Variants in GALNT10 observed in about 807,000 individuals in gnomAD.
GALNT10 encodes the protein GalNAc transferase 10.
Under a neutral mutation model 75.0 loss-of-function variants are expected in GALNT10, and 41 were observed. The observed-to-expected ratio is 0.55, with a 90% CI of 0.43 to 0.71. The LOEUF is 0.71. Ranked by LOEUF, GALNT10 falls within the 30% of genes least tolerant of loss-of-function variation. GALNT10 has a pLI of 0.00. For missense variants in GALNT10, 727 were observed against 818.5 expected (o/e 0.89, Z 1.36); for synonymous variants, 302 against 313.0 (o/e 0.96, Z 0.37).
At chr5:154,206,346 A>G (rs1775109255) in intron 1 of GALNT10, among the ~76,000 whole-genome samples, 1 of 152,252 alleles carries the variant, frequency 6.6e-6, no homozygotes, top group Non-Finnish European at 1.5e-5. Flanking sequence ...TCTGAGCTCA[A>G]CAATTTATTT....
intron 1 of GALNT10, among the ~76,000 whole-genome samples, chr5:154,268,774 C>T (rs57192789): frequency 0.18 from 27,381 of 152,062 alleles, 2,646 homozygotes; most frequent in African/African-American, 0.22. Context: ...GTCTTAAGAG[C>T]ACCTCATAAG....
At chr5:154,281,220 G>C (rs1754034570) in intron 1 of GALNT10, among the ~76,000 whole-genome samples, 1 of 152,112 alleles carries the variant, frequency 6.6e-6, no homozygotes, top group African/African-American at 2.4e-5. Context: ...CATTTATTTA[G>C]ATCTTTGATT....
At chr5:154,228,798 C>T (rs945433274) in intron 1 of GALNT10, among the ~76,000 whole-genome samples, 1 of 152,236 alleles carries the variant, frequency 6.6e-6, no homozygotes, top group African/African-American at 2.4e-5. Flanking sequence ...TGCAAATCCA[C>T]ATTCAAGTTA....
chr5:154,415,488 G>A (rs899367494), intron 10 of GALNT10, among the ~76,000 whole-genome samples: 9 of 151,950 alleles, frequency 5.9e-5, no homozygotes, highest in African/African-American at 1.7e-4. Context: ...ACAGGCATAC[G>A]CCACCACACC....
intron 4 of GALNT10, among the ~76,000 whole-genome samples, chr5:154,357,121 C>T (rs1755307970): frequency 1.3e-5 from 2 of 152,112 alleles, no homozygotes; most frequent in South Asian, 4.1e-4. Flanking sequence ...ATTTGGGAAA[C>T]ATTGGCTCAG....
At position 154,278,567 on chromosome 5, in the gene GALNT10, A is replaced by G. The variant is rs149162382; in HGVS notation, c.160-16249A>G. Reference sequence around the variant, plus strand: ...TATTTTTTTATTGTGCTAAATGAATATAATAGTTGTCATTTTAACCATTCA... The same window carrying G: ...TATTTTTTTATTGTGCTAAATGAATGTAATAGTTGTCATTTTAACCATTCA... On this transcript the variant is annotated intron_variant, in intron 1 of 11. Coordinates refer to ENST00000297107, the MANE Select transcript of GALNT10 (RefSeq NM_198321.4). Among the ~76,000 whole-genome samples, 80 of 152,348 alleles carry G rather than the reference A, an allele frequency of 5.3e-4. No individual in the cohort carries two copies. The East Asian group carries it at 0.014, about 26-fold the overall frequency.
chr5:154,288,968 TC>T (rs1303060262), intron 1 of GALNT10, among the ~76,000 whole-genome samples: 1 of 152,196 alleles, frequency 6.6e-6, no homozygotes, highest in Non-Finnish European at 1.5e-5. Context: ...GCATATGACA[TC>T]CTGTTAATGA....
At chr5:154,234,077 C>G (rs530029847) in intron 1 of GALNT10, among the ~76,000 whole-genome samples, 1 of 152,176 alleles carries the variant, frequency 6.6e-6, no homozygotes, top group Admixed American at 6.5e-5. Context: ...ACCACTGTCT[C>G]TCTTCTCTCT....
chr5:154,263,015 G>A (rs555497263), intron 1 of GALNT10, among the ~76,000 whole-genome samples: 1 of 152,164 alleles, frequency 6.6e-6, no homozygotes, highest in African/African-American at 2.4e-5. Context: ...TGGCAAGGAC[G>A]TGGAGAAATT....
intron 4 of GALNT10, among the ~76,000 whole-genome samples, chr5:154,349,161 C>A (rs1755170374): frequency 6.6e-6 from 1 of 151,642 alleles, no homozygotes; most frequent in African/African-American, 2.4e-5. Context: ...GGTGTCATTG[C>A]CTAGTAAAGG....
chr5:154,227,236 T>C (rs1386260791), intron 1 of GALNT10, among the ~76,000 whole-genome samples: 2 of 152,246 alleles, frequency 1.3e-5, no homozygotes, highest in Admixed American at 6.5e-5. Context: ...ATGTGTATAT[T>C]TAACTGTGGT....
chr5:154,344,865 G>C (rs567567277), intron 4 of GALNT10, among the ~76,000 whole-genome samples: 1 of 152,300 alleles, frequency 6.6e-6, no homozygotes, highest in East Asian at 1.9e-4. Context: ...AAAGTCATAT[G>C]GCTGGGTAAT....
chr5:154,329,802 G>C, intron 4 of GALNT10, 64 bp downstream of exon 4: 1 of 1,228,950 alleles, frequency 8.1e-7, no homozygotes. Context: ...CCAAAGGGAT[G>C]GCAGGTTTTC....
At chr5:154,334,239 A>G (rs1463479232) in intron 4 of GALNT10, among the ~76,000 whole-genome samples, 1 of 152,254 alleles carries the variant, frequency 6.6e-6, no homozygotes, top group Non-Finnish European at 1.5e-5. Flanking sequence ...AATTCTCGAA[A>G]TAAGATCCAG....
chr5:154,365,750 C>T (rs1755465174), intron 4 of GALNT10, among the ~76,000 whole-genome samples: 1 of 152,138 alleles, frequency 6.6e-6, no homozygotes, highest in Non-Finnish European at 1.5e-5. Context: ...CCCTTCCTTC[C>T]ACACCACACT....
At position 154,191,025 on chromosome 5, in the gene GALNT10, G is replaced by A. The variant is rs1318528785; in HGVS notation, c.159G>A (p.Gln53=). 6.3e-6 allele frequency: 9 copies of A among 1,431,648 alleles called. No individual in the cohort carries two copies. The African/African-American group carries it at 1.2e-4, about 19-fold the overall frequency. 88.7% of individuals were successfully genotyped at this position (1,431,648 alleles called of 1,614,324 possible). A position where few individuals can be genotyped will look rare whatever the true frequency, so the allele number is the denominator to read the frequency against. Residue 53 remains glutamine, a splice_region_variant and synonymous_variant, in exon 1 of 12, where the codon CAG becomes CAA. Coordinates refer to ENST00000297107, the MANE Select transcript of GALNT10 (RefSeq NM_198321.4). ...CGGCGGTGGCGCCGGCGGCGGGACA[G>A]GTGAGTCCCCCCGTTGCTACAGGCC... ...SGAAVAPAAG[Q]GSHSRQKKTF...
chr5:154,197,515 G>A (rs1315412618), intron 1 of GALNT10, among the ~76,000 whole-genome samples: 1 of 152,036 alleles, frequency 6.6e-6, no homozygotes. Flanking sequence ...TCTTTGAATG[G>A]TTCCTGTTTG....
At chr5:154,274,345 C>T (rs1175257914) in intron 1 of GALNT10, among the ~76,000 whole-genome samples, 1 of 152,162 alleles carries the variant, frequency 6.6e-6, no homozygotes, top group Non-Finnish European at 1.5e-5. Flanking sequence ...AAACCATTCC[C>T]CTTGTAAAAA....
At chr5:154,314,574 G>A (rs1400531597) in intron 3 of GALNT10, among the ~76,000 whole-genome samples, 4 of 151,960 alleles carry the variant, frequency 2.6e-5, no homozygotes, top group African/African-American at 9.7e-5. Flanking sequence ...ATGGTAGTTG[G>A]CTTTCTGCCT....
Sources: allele counts gnomAD v4.1 joint callset (sites outside exome capture counted in the v4.1 genomes callset), GRCh38; gene constraint gnomAD v4.1.1; transcripts MANE v1.5; gene names NCBI Gene and HGNC (gene_info 2026-07-23, HGNC 2026-07-21).